The following SGIP1 variants were observed in gnomAD, a reference collection of about 807,000 sequenced individuals.
SGIP1 encodes SH3GL interacting endocytic adaptor 1, also known as SH3-containing GRB2-like protein 3-interacting protein 1.
In SGIP1, 38 loss-of-function variants were observed where a neutral mutation model predicts 107.5. That is an observed-to-expected ratio of 0.35 (90% CI 0.27 to 0.46). The LOEUF is 0.46. Among genes scored for constraint, SGIP1 ranks in the 20% least tolerant of loss-of-function variants. The pLI is 1.00. For synonymous variants in SGIP1, 365 were observed against 366.1 expected, an observed-to-expected ratio of 1.00 and a Z score of 0.03; for missense variants, 929 against 1,019.5, an observed-to-expected ratio of 0.91 and a Z score of 1.21.
chr1:66,585,644 T>C (rs959672377), intron 1 of SGIP1, among the ~76,000 whole-genome samples: 2 of 151,754 alleles, frequency 1.3e-5, no homozygotes, highest in Non-Finnish European at 2.9e-5. Flanking sequence ...ATTTTTGTGG[T>C]TTTTTGTTTT....
chr1:66,637,762 T>G (rs1405754692), intron 4 of SGIP1, among the ~76,000 whole-genome samples: 1 of 150,996 alleles, frequency 6.6e-6, no homozygotes, highest in African/African-American at 2.4e-5. Context: ...TGTGTATAGG[T>G]ATCTGTGTAT....
chr1:66,653,249 T>A (rs2079094607), intron 7 of SGIP1, among the ~76,000 whole-genome samples: 1 of 152,202 alleles, frequency 6.6e-6, no homozygotes, highest in African/African-American at 2.4e-5. Context: ...AACCATGGAC[T>A]GTGTGCAGAA....
chr1:66,618,718 A>C (rs1408043009), intron 1 of SGIP1, among the ~76,000 whole-genome samples: 2 of 152,226 alleles, frequency 1.3e-5, no homozygotes, highest in African/African-American at 4.8e-5. Flanking sequence ...TGGCACATGC[A>C]AGGTTCTCAG....
intron 1 of SGIP1, among the ~76,000 whole-genome samples, chr1:66,587,809 C>T (rs2062867812): frequency 6.6e-6 from 1 of 152,022 alleles, no homozygotes; most frequent in East Asian, 1.9e-4. Flanking sequence ...CAATCATCTT[C>T]ACAAAGGTAA....
At chr1:66,660,560 A>G (rs747733536) in intron 8 of SGIP1, 36 bp downstream of exon 8, 34 of 1,584,814 alleles carry the variant, frequency 2.1e-5, no homozygotes, top group African/African-American at 1.5e-4. Context: ...TGGGGCAAAC[A>G]TTATTTATTC....
chr1:66,612,948 A>G (rs2068345196), intron 1 of SGIP1, among the ~76,000 whole-genome samples: 1 of 152,224 alleles, frequency 6.6e-6, no homozygotes, highest in Non-Finnish European at 1.5e-5. Flanking sequence ...AATTTTTAAG[A>G]GTTAAAAACT....
chr1:66,562,529 A>G (rs1346775398), intron 1 of SGIP1, among the ~76,000 whole-genome samples: 2 of 152,050 alleles, frequency 1.3e-5, no homozygotes, highest in African/African-American at 4.8e-5. Flanking sequence ...AAAGAGGACT[A>G]GTGGGTAGGT....
At chr1:66,641,474 C>T (rs1408684494) in intron 5 of SGIP1, among the ~76,000 whole-genome samples, 1 of 152,110 alleles carries the variant, frequency 6.6e-6, no homozygotes, top group Non-Finnish European at 1.5e-5. Context: ...TCAACTTCAA[C>T]AGGGCCACCT....
intron 1 of SGIP1, among the ~76,000 whole-genome samples, chr1:66,585,848 A>C (rs1476819081): frequency 6.6e-6 from 1 of 152,126 alleles, no homozygotes; most frequent in Non-Finnish European, 1.5e-5. Context: ...CTTATGAAAG[A>C]GTATGTGTTA....
At chr1:66,706,809 T>C (rs1454852512) in intron 18 of SGIP1, among the ~76,000 whole-genome samples, 6 of 152,190 alleles carry the variant, frequency 3.9e-5, no homozygotes, top group Non-Finnish European at 8.8e-5. Flanking sequence ...GTATAGTTTA[T>C]ATTATCACAC....
chr1:66,677,037 G>A lies in SGIP1; in HGVS notation c.680G>A (p.Gly227Asp). The A allele has an allele frequency of 6.2e-7, 1 of 1,613,834 alleles. No homozygotes were observed. Among genetic ancestry groups the A allele is most frequent in the Non-Finnish European group, 8.5e-7 (1 of 1,179,952 alleles). ...LLDQPEIWGS[G>D]QPINPSMESP... is the part of the protein sequence containing the mutation. ...GATCAGCCTGAGATATGGGGTTCAG[G>A]CCAACCAATTAATCCAAGCATGGAG... The change falls in exon 13 of 25, where the codon GGC (glycine) becomes GAC (aspartate). Residue 227 changes from glycine to aspartate, a missense_variant. Gly to Asp is a moderately conservative substitution (Grantham distance 94). Coordinates refer to ENST00000371037, the MANE Select transcript of SGIP1 (RefSeq NM_032291.4).
chr1:66,585,463 A>C (rs2062457308), intron 1 of SGIP1, among the ~76,000 whole-genome samples: 1 of 152,086 alleles, frequency 6.6e-6, no homozygotes, highest in African/African-American at 2.4e-5. Flanking sequence ...AGTTATGCTA[A>C]CTTTGGATCT....
rs993375635 is a variant in SGIP1 at position 66,748,881 on chromosome 1, T to C, written c.*5786T>C. ...GTTTTAATGAAGCTTAAGAAAGTTA[T>C]TGAATCAGGTAAAAAAAATTTTTTC... On this transcript the variant is annotated 3_prime_UTR_variant, in exon 25 of 25. Coordinates refer to ENST00000371037, the MANE Select transcript of SGIP1 (RefSeq NM_032291.4). Among the ~76,000 whole-genome samples the C allele has an allele frequency of 1.3e-5, 2 of 151,820 alleles. No homozygotes were observed. The highest frequency in any genetic ancestry group is 6.6e-5 in the Admixed American group (1 of 15,250).
At chr1:66,693,012 T>C (rs2090196021) in intron 17 of SGIP1, among the ~76,000 whole-genome samples, 1 of 152,200 alleles carries the variant, frequency 6.6e-6, no homozygotes. Context: ...TTATTTTTTA[T>C]ACGACTAAGA....
At chr1:66,626,305 A>C (rs955244804) in intron 2 of SGIP1, among the ~76,000 whole-genome samples, 3 of 152,070 alleles carry the variant, frequency 2.0e-5, no homozygotes, top group Admixed American at 6.6e-5. Flanking sequence ...GATAGATTAG[A>C]CCTAGCCAGA....
chr1:66,615,066 C>A (rs940586128), intron 1 of SGIP1, among the ~76,000 whole-genome samples: 2 of 152,058 alleles, frequency 1.3e-5, no homozygotes, highest in Admixed American at 1.3e-4. Context: ...GGTGATCCAC[C>A]CACCTCGGTC....
At chr1:66,721,713 T>C (rs1041558444) in intron 19 of SGIP1, among the ~76,000 whole-genome samples, 26 of 152,100 alleles carry the variant, frequency 1.7e-4, no homozygotes, top group African/African-American at 5.8e-4. Context: ...CTGGCCAGAA[T>C]TGCCCTTTTG....
At chr1:66,613,176 T>C (rs2068399563) in intron 1 of SGIP1, among the ~76,000 whole-genome samples, 2 of 152,206 alleles carry the variant, frequency 1.3e-5, no homozygotes, top group Non-Finnish European at 2.9e-5. Flanking sequence ...TTATAGAAAT[T>C]AATTACTATT....
At chr1:66,684,254 C>A in intron 15 of SGIP1, 1 of 1,547,208 alleles carries the variant, frequency 6.5e-7, no homozygotes. Context: ...AAGGTTTGGT[C>A]ATAAATATTC....
Sources: gnomAD v4.1 joint callset for allele counts (sites outside exome capture counted in the v4.1 genomes callset) on GRCh38, gnomAD v4.1.1 for gene constraint, MANE v1.5 for transcripts, NCBI Gene and HGNC (gene_info 2026-07-23, HGNC 2026-07-21) for gene names.